The following CDK12 variants were observed in gnomAD, a reference collection of about 807,000 sequenced individuals.
The protein encoded by CDK12 is cyclin dependent kinase 12.
CDK12 carries 17 observed loss-of-function variants against 133.8 expected under a neutral mutation model. That is an observed-to-expected ratio of 0.13 (90% CI 0.09 to 0.19). The LOEUF is 0.19. CDK12 is among the 10% of genes least tolerant of loss of function. The pLI, the probability that CDK12 is intolerant of heterozygous loss-of-function variation, is 1.00. For synonymous variants in CDK12, 694 were observed against 683.6 expected (o/e 1.02, Z -0.24); for missense variants, 1,508 against 1,818.7 (o/e 0.83, Z 3.11).
rs764336794 is a variant in CDK12, at chr17:39,471,056, T to A, written c.1224T>A (p.Ala408=). 4.3e-6 allele frequency: 7 copies of A among 1,611,324 alleles called. No individual in the cohort carries two copies. The highest frequency in any genetic ancestry group is 5.9e-6 in the Non-Finnish European group (7 of 1,177,892). ...GTAGGAAAAAGAAGGAAAGAGCAGC[T>A]GCTGCTGCTGCAGCAAAGATGGATG... ...ELSRKKKERA[A]AAAAAKMDGK... Residue 408 remains alanine, a synonymous_variant, in exon 2 of 14, where the codon GCT becomes GCA. Coordinates refer to ENST00000447079, the MANE Select transcript of CDK12 (RefSeq NM_016507.4).
chr17:39,509,976 A>G lies in CDK12; in HGVS notation c.2666+215A>G, dbSNP rs368532848. On this transcript the variant is annotated intron_variant, in intron 7 of 13. Coordinates refer to ENST00000447079, the MANE Select transcript of CDK12 (RefSeq NM_016507.4). ...GCCATCACACCTGGCTAATTTTTGT[A>G]TTTTTAGTAGAGACGGGGTTTTGCT... Among the ~76,000 whole-genome samples the G allele has an allele frequency of 1.3e-3, 199 of 151,786 alleles. No homozygotes were observed. The South Asian group carries it at 0.014, about 11-fold the overall frequency.
Position 39,462,914 on chromosome 17 carries a change from G to T in CDK12, c.843G>T (p.Glu281Asp). ...RRQSVSPPYK[E>D]PSAYQSSTRS... ...AGTCGGTCAGTCCCCCTTACAAGGA[G>T]CCTTCGGCCTACCAGTCCAGCACCC... Residue 281 changes from glutamate (E) to aspartate (D), a missense_variant, in exon 1 of 14, where the codon GAG (glutamate) becomes GAT (aspartate). Coordinates refer to ENST00000447079, the MANE Select transcript of CDK12 (RefSeq NM_016507.4). The T allele has an allele frequency of 6.2e-7, 1 of 1,614,176 alleles. No homozygotes were observed. The highest frequency in any genetic ancestry group is 1.1e-5 in the South Asian group (1 of 91,076).
chr17:39,538,912 C>A (rs200498253), downstream of CDK12, among the ~76,000 whole-genome samples: 1,206 of 145,750 alleles, frequency 8.3e-3, 13 homozygotes, highest in African/African-American at 0.029. Context: ...TAAATACATA[C>A]ATACATACAT....
upstream of CDK12, chr17:39,544,377 A>G: frequency 2.1e-6 from 1 of 478,796 alleles, no homozygotes. Context: ...GCCTAAAGCC[A>G]ATCAGAGGTC....
exon 1 of CDK12, chr17:39,550,263 A>T (rs1437169205): frequency 6.6e-6 from 1 of 152,136 alleles, no homozygotes; most frequent in East Asian, 1.9e-4. Context: ...GTTACCGGGA[A>T]CCCAGGCCCA....
intron 10 of CDK12, among the ~76,000 whole-genome samples, 189 bp from the exon 11 acceptor site, chr17:39,519,767 T>C (rs1317421294): frequency 1.3e-5 from 2 of 151,878 alleles, no homozygotes; most frequent in African/African-American, 4.8e-5. Flanking sequence ...ATTAAAAATA[T>C]ATATATATTT....
Position 39,480,436 on chromosome 17 carries a change from GTTTTT to G in CDK12, c.1931+8679_1931+8683del, listed in dbSNP as rs778236035. ...AGGCATGTACCACCATGCCCAGCTA[GTTTTT>G]TTTTTGTTTTGTTTTGTTTTTTTGA... On this transcript the variant is annotated intron_variant, in intron 2 of 13. Transcript: ENST00000447079. Among the ~76,000 whole-genome samples, 37 of 150,166 alleles carry G rather than the reference GTTTTT, an allele frequency of 2.5e-4. 1 individual carries two copies. Among genetic ancestry groups the G allele is most frequent in the Non-Finnish European group, 4.0e-4 (27 of 67,588 alleles).
At chr17:39,539,618 T>C (rs748056856) in intron 1 of CDK12, among the ~76,000 whole-genome samples, 6 of 151,862 alleles carry the variant, frequency 4.0e-5, no homozygotes, top group Non-Finnish European at 8.8e-5. Flanking sequence ...TGGGGGAGGG[T>C]CCCACCTTCA....
chr17:39,525,842 T>C (rs781591032), intron 12 of CDK12, 22 bp from the exon 13 acceptor site: 4 of 1,598,198 alleles, frequency 2.5e-6, no homozygotes, highest in Non-Finnish European at 3.4e-6. Flanking sequence ...CGTCTTATAT[T>C]GGCTTCACTG....
At chr17:39,506,212 A>ATTTT (rs1177367409) in intron 6 of CDK12, among the ~76,000 whole-genome samples, 16 of 119,754 alleles carry the variant, frequency 1.3e-4, no homozygotes, top group African/African-American at 2.5e-4. Flanking sequence ...TGATTATATG[A>ATTTT]TTTTTTTTTT....
At chr17:39,478,548 A>G (rs1045349865) in intron 2 of CDK12, among the ~76,000 whole-genome samples, 23 of 152,154 alleles carry the variant, frequency 1.5e-4, no homozygotes, top group African/African-American at 5.3e-4. Context: ...AAAGGTAGAA[A>G]AACGGAAATA....
chr17:39,552,062 C>T (rs1303454850), intron 2 of CDK12, among the ~76,000 whole-genome samples: 1 of 152,046 alleles, frequency 6.6e-6, no homozygotes, highest in African/African-American at 2.4e-5. Flanking sequence ...ATCCCCAAAT[C>T]CCCTGAGAAG....
chr17:39,519,024 C>A (rs901915339), intron 10 of CDK12, among the ~76,000 whole-genome samples: 1 of 150,214 alleles, frequency 6.7e-6, no homozygotes. Context: ...GCCTTAGCCT[C>A]CTGAGTAGCA....
intron 4 of CDK12, among the ~76,000 whole-genome samples, chr17:39,493,411 C>T (rs1028832768): frequency 1.3e-5 from 2 of 151,986 alleles, no homozygotes; most frequent in Non-Finnish European, 2.9e-5. Context: ...TGGGTTCAAG[C>T]GATGCCTCTG....
rs540707885 is a variant in CDK12, at chr17:39,470,771, A to G, written c.1047-108A>G. On this transcript the variant is annotated intron_variant, in intron 1 of 13. Coordinates refer to ENST00000447079, the MANE Select transcript of CDK12 (RefSeq NM_016507.4). ...CCTCGTTTTTGATGGCACTTAATCT[A>G]TTTTACAATTGATAAGTTACAGTTC... The G allele has an allele frequency of 1.6e-4, 156 of 971,866 alleles. 2 individuals carry two copies. The highest frequency in any genetic ancestry group is 1.4e-3 in the South Asian group (77 of 53,900). 60.2% of individuals were successfully genotyped at this position (971,866 alleles called of 1,614,324 possible). A position where few individuals can be genotyped will look rare whatever the true frequency, so the allele number is the denominator to read the frequency against.
In CDK12 at chr17:39,462,653, C is replaced by G; in HGVS notation, c.582C>G (p.His194Gln). Residue 194 changes from histidine (H) to glutamine (Q), a missense_variant, in exon 1 of 14, where the codon CAC becomes CAG. Physicochemically the swap from His to Gln is conservative, Grantham distance 24. Coordinates refer to ENST00000447079, the MANE Select transcript of CDK12 (RefSeq NM_016507.4). ...AAGAACGGGAGCTGAAGTCTGGGCACAAAGACCGGAGTAAAAGTCATCGAA... is the reference window on the plus strand; with the variant it reads ...AAGAACGGGAGCTGAAGTCTGGGCAGAAAGACCGGAGTAAAAGTCATCGAA... ...TRKERELKSG[H>Q]KDRSKSHRKR... 6.2e-7 allele frequency: 1 copy of G among 1,613,996 alleles called. No homozygotes were observed. The highest frequency in any genetic ancestry group is 8.5e-7 in the Non-Finnish European group (1 of 1,180,008).
chr17:39,509,409 G>A (rs995647497), intron 6 of CDK12, among the ~76,000 whole-genome samples: 4 of 152,066 alleles, frequency 2.6e-5, no homozygotes, highest in African/African-American at 4.8e-5. Flanking sequence ...TAGCTAAGGA[G>A]TCAAATTCAG....
In CDK12 at chr17:39,494,404, C is replaced by T. The variant is rs941342399; in HGVS notation, c.2249-120C>T. 23 of 768,876 alleles carry T rather than the reference C, an allele frequency of 3.0e-5. No individual in the cohort carries two copies. The East Asian group carries it at 6.1e-4, about 20-fold the overall frequency. 47.6% of individuals were successfully genotyped at this position (768,876 alleles called of 1,614,324 possible). A position where few individuals can be genotyped will look rare whatever the true frequency, so the allele number is the denominator to read the frequency against. On this transcript the variant is annotated intron_variant, in intron 4 of 13. Transcript: ENST00000447079. The stretch of plus-strand genomic sequence containing the variant: ...TTACTTTTTAAAGGTGTATAAGTAT[C>T]TCGTGTAAGCATTAAAGTAAGCACT...
In CDK12 at chr17:39,527,312, T is replaced by C. The variant is rs535109015; in HGVS notation, c.3760+996T>C. On this transcript the variant is annotated intron_variant, in intron 13 of 13. Coordinates refer to ENST00000447079, the MANE Select transcript of CDK12 (RefSeq NM_016507.4). ...GTGTAGAGATGCCGTAACTAATTATTGCAGTCACCCCTGGATTATTCAGCT... is the reference window on the plus strand; with the variant it reads ...GTGTAGAGATGCCGTAACTAATTATCGCAGTCACCCCTGGATTATTCAGCT... 1.8e-4 allele frequency among the ~76,000 whole-genome samples: 28 copies of C among 152,340 alleles called. No homozygotes were observed. The East Asian group carries it at 4.6e-3, about 25-fold the overall frequency.
Sources: allele counts gnomAD v4.1 joint callset (sites outside exome capture counted in the v4.1 genomes callset), GRCh38; gene constraint gnomAD v4.1.1; transcripts MANE v1.5; gene names NCBI Gene and HGNC (gene_info 2026-07-23, HGNC 2026-07-21).